The following PREX1 variants were observed in gnomAD, a reference collection of about 807,000 sequenced individuals.
PREX1 encodes the protein phosphatidylinositol 3,4,5-trisphosphate-dependent Rac exchanger 1 protein.
PREX1 carries 41 observed loss-of-function variants against 198.3 expected under a neutral mutation model. The observed-to-expected ratio is 0.21, with a 90% CI of 0.16 to 0.27. PREX1 has a LOEUF of 0.27. Among genes scored for constraint, PREX1 ranks in the 10% least tolerant of loss-of-function variants. PREX1 has a pLI of 1.00. For missense variants in PREX1, 1,620 were observed against 2,200.7 expected, an observed-to-expected ratio of 0.74 and a Z score of 5.28; for synonymous variants, 843 against 887.2, an observed-to-expected ratio of 0.95 and a Z score of 0.89.
intron 9 of PREX1, among the ~76,000 whole-genome samples, chr20:48,689,617 A>G (rs2089806326): frequency 6.6e-6 from 1 of 152,154 alleles, no homozygotes; most frequent in Admixed American, 6.5e-5. Flanking sequence ...CCACAAAGAT[A>G]CTGATCGGCC....
intron 1 of PREX1, among the ~76,000 whole-genome samples, chr20:48,805,873 T>C (rs2090409636): frequency 6.6e-6 from 1 of 152,084 alleles, no homozygotes; most frequent in Non-Finnish European, 1.5e-5. Context: ...AGCTTCAATG[T>C]CCCCACCTGT....
rs774205992 is a variant in PREX1 at position 48,634,684 on chromosome 20, T to C, written c.4259A>G (p.Tyr1420Cys). The C allele has an allele frequency of 1.1e-5, 18 of 1,613,962 alleles. No homozygotes were observed. The highest frequency in any genetic ancestry group is 6.7e-5 in the Admixed American group (4 of 60,006). Residue 1420 changes from tyrosine (Y) to cysteine (C), a missense_variant, in exon 33 of 40, where the codon TAT (tyrosine) becomes TGT (cysteine). This residue lies in a region of PREX1 where 476 missense variants were observed against 603.4 expected (regional missense o/e 0.79). Transcript: ENST00000371941. The stretch of plus-strand genomic sequence containing the variant: ...TGGGAGAAATCACTCACTGGCCACA[T>C]AGTTCTCGTCCAGCTGCTTAAAGGA... Reference protein sequence around the residue: ...TFSFKQLDENYVANTNVFYHI... With the variant: ...TFSFKQLDENCVANTNVFYHI...
intron 1 of PREX1, among the ~76,000 whole-genome samples, chr20:48,822,980 T>A (rs1048743877): frequency 6.6e-6 from 1 of 151,934 alleles, no homozygotes; most frequent in African/African-American, 2.4e-5. Flanking sequence ...GAGTACAGAA[T>A]CTTTTAAAAC....
chr20:48,748,423 T>A (rs2090119205), intron 1 of PREX1, among the ~76,000 whole-genome samples: 1 of 151,482 alleles, frequency 6.6e-6, no homozygotes, highest in African/African-American at 2.4e-5. Flanking sequence ...GTTTCTTGGG[T>A]ATTCTTCCAA....
Position 48,679,641 on chromosome 20 carries a change from G to A in PREX1, c.1539+10C>T, listed in dbSNP as rs373291757. On this transcript the variant is annotated intron_variant, in intron 12 of 39. Transcript: ENST00000371941. Reference sequence around the variant, plus strand: ...GCTGAGTCAGAGTCACAGGGGCGGAGGGCCCCTACCTTGGACATGATGTCC... The same window carrying A: ...GCTGAGTCAGAGTCACAGGGGCGGAAGGCCCCTACCTTGGACATGATGTCC... 7.4e-5 allele frequency: 118 copies of A among 1,591,610 alleles called. No individual in the cohort carries two copies. In the African/African-American group the frequency reaches 1.3e-3, roughly 17 times the overall value.
Position 48,658,125 on chromosome 20 carries a change from G to A in PREX1, c.1974+11C>T, listed in dbSNP as rs761111797. ...GCACACGGTCCCTGCCAGCTCCCCC[G>A]AGGGCCTCACCTCAGCCAGCGAGCC... is the stretch of plus-strand genomic sequence containing the variant. On this transcript the variant is annotated intron_variant, in intron 17 of 39. Transcript: ENST00000371941. 44 of 1,610,932 alleles carry A rather than the reference G, an allele frequency of 2.7e-5. No homozygotes were observed. Among genetic ancestry groups the A allele is most frequent in the East Asian group, 2.0e-4 (9 of 44,832 alleles).
chr20:48,745,210 C>A, intron 2 of PREX1, 63 bp from the exon 3 acceptor site: 2 of 1,527,594 alleles, frequency 1.3e-6, no homozygotes, highest in Non-Finnish European at 1.8e-6. Flanking sequence ...AAGCCAAGCA[C>A]TGAAAAAATA....
At chr20:48,718,467 C>T (rs55807383) in intron 5 of PREX1, among the ~76,000 whole-genome samples, 23,474 of 151,942 alleles carry the variant, frequency 0.15, 2,180 homozygotes, top group Middle Eastern at 0.29. Flanking sequence ...AAATAAAACA[C>T]GGAAAGACGC....
chr20:48,629,332 C>T (rs2089295911), intron 37 of PREX1, 117 bp downstream of exon 37: 11 of 1,340,638 alleles, frequency 8.2e-6, no homozygotes, highest in Non-Finnish European at 1.1e-5. Flanking sequence ...GCTCTACAGG[C>T]AATGGCAGAA....
chr20:48,646,708 A>C (rs2089454132), intron 25 of PREX1, among the ~76,000 whole-genome samples: 1 of 152,010 alleles, frequency 6.6e-6, no homozygotes, highest in Non-Finnish European at 1.5e-5. Context: ...GAAAAGAAAA[A>C]GAAAACAATA....
At chr20:48,728,045 C>G (rs59078959) in intron 4 of PREX1, among the ~76,000 whole-genome samples, 25 of 152,292 alleles carry the variant, frequency 1.6e-4, no homozygotes, top group African/African-American at 5.5e-4. Flanking sequence ...CACCCACCAG[C>G]ACATCCAGCC....
In PREX1 at chr20:48,684,731, T is replaced by C. The variant is rs372661348; in HGVS notation, c.1335-3396A>G. On this transcript the variant is annotated intron_variant, in intron 10 of 39. Transcript: ENST00000371941. The surrounding 1 kb of genome is among the most constrained non-coding windows in gnomAD (Gnocchi z 4.2). ...GCTTCCCACAGCACCAAGACGGAAA[T>C]GTGAGCTGCCTGCCAAGGCCCTGCC... 1.3e-5 allele frequency among the ~76,000 whole-genome samples: 2 copies of C among 151,996 alleles called. No individual in the cohort carries two copies. The highest frequency in any genetic ancestry group is 2.9e-5 in the Non-Finnish European group (2 of 68,006).
intron 4 of PREX1, among the ~76,000 whole-genome samples, chr20:48,727,308 C>T (rs1392261238): frequency 1.3e-5 from 2 of 152,060 alleles, no homozygotes; most frequent in Admixed American, 1.3e-4. Context: ...GAATGGAATA[C>T]CGTTACCCTA....
At chr20:48,652,252 G>C (rs766480587) in intron 21 of PREX1, among the ~76,000 whole-genome samples, 7 of 150,796 alleles carry the variant, frequency 4.6e-5, no homozygotes, top group Non-Finnish European at 8.9e-5. Flanking sequence ...GGGCAACATA[G>C]GGAGACCTCA....
At chr20:48,712,500 A>G (rs1186410353) in intron 5 of PREX1, among the ~76,000 whole-genome samples, 1 of 152,218 alleles carries the variant, frequency 6.6e-6, no homozygotes, top group Non-Finnish European at 1.5e-5. Flanking sequence ...AAACCCTGGA[A>G]GTTGGAATCT....
chr20:48,776,936 G>A (rs1810839395), intron 1 of PREX1, among the ~76,000 whole-genome samples: 1 of 152,154 alleles, frequency 6.6e-6, no homozygotes, highest in African/African-American at 2.4e-5. Flanking sequence ...CAGAGCCAGA[G>A]ACTGACCTCC....
the PREX1 span, among the ~76,000 whole-genome samples, chr20:48,833,740 C>T: frequency 2.8e-4 from 42 of 152,216 alleles, no homozygotes; most frequent in Admixed American, 9.8e-4. Context: ...GGCGCCTGGC[C>T]GACCCTATCC....
chr20:48,865,380 C>T, the PREX1 span, among the ~76,000 whole-genome samples: 21 of 152,292 alleles, frequency 1.4e-4, no homozygotes, highest in South Asian at 4.4e-3. Context: ...ACACAGGTCC[C>T]TGGTTAAAGA....
intron 1 of PREX1, among the ~76,000 whole-genome samples, chr20:48,766,612 T>C (rs1231715369): frequency 1.3e-5 from 2 of 152,180 alleles, no homozygotes; most frequent in Non-Finnish European, 2.9e-5. Context: ...TCACATTCCC[T>C]GCCCTCCCCA....
Sources: gnomAD v4.1 joint callset for allele counts (sites outside exome capture counted in the v4.1 genomes callset) on GRCh38, gnomAD v4.1.1 for gene constraint, gnomAD v4.1.1 regional missense constraint, Gnocchi (gnomAD v3.1) non-coding constraint, MANE v1.5 for transcripts, NCBI Gene and HGNC (gene_info 2026-07-23, HGNC 2026-07-21) for gene names.